The following ZBTB46 variants were observed in gnomAD, a reference collection of about 807,000 sequenced individuals.
The protein encoded by ZBTB46 is zinc finger and BTB domain containing 46, also known as zinc finger and BTB domain-containing protein 46.
ZBTB46 carries 8 observed loss-of-function variants against 44.1 expected under a neutral mutation model. The ratio of observed to expected loss-of-function variants is 0.18; its 90% CI spans 0.11 to 0.33. The LOEUF is 0.33. ZBTB46 is among the 10% of genes least tolerant of loss of function. The pLI, the probability that ZBTB46 is intolerant of heterozygous loss-of-function variation, is 1.00. For synonymous variants in ZBTB46, 409 were observed against 382.3 expected (o/e 1.07, Z -0.81); for missense variants, 651 against 847.7 (o/e 0.77, Z 2.88).
chr20:63,812,372 T>C (rs1027587670), intron 1 of ZBTB46, among the ~76,000 whole-genome samples: 1 of 145,170 alleles, frequency 6.9e-6, no homozygotes, highest in African/African-American at 2.6e-5. Context: ...AGCCGGGCAA[T>C]GTGGTGTGCA....
chr20:63,789,852 C>T lies in ZBTB46; in HGVS notation c.906G>A (p.Thr302=), dbSNP rs752342501. 2.5e-5 allele frequency: 41 copies of T among 1,612,190 alleles called. No individual in the cohort carries two copies. The highest frequency in any genetic ancestry group is 5.3e-5 in the African/African-American group (4 of 74,928). The change falls in exon 2 of 5, where the codon ACG becomes ACA. Residue 302 remains threonine (T), a synonymous_variant. Coordinates refer to ENST00000245663, the MANE Select transcript of ZBTB46 (RefSeq NM_001369741.1). ...CTCGGCTGCTGAACGGCCACCCCGA[C>T]GTCGGCAGGAAGGACGGCACCGGGG... ...ASSPVPSFLP[T]SGWPFSSRDS... is the part of the protein sequence containing the mutation.
chr20:63,807,153 T>C (rs908058110), intron 1 of ZBTB46, among the ~76,000 whole-genome samples: 4 of 152,176 alleles, frequency 2.6e-5, no homozygotes, highest in Non-Finnish European at 5.9e-5. Context: ...CATATACATA[T>C]ATAGAGAGAG....
intron 3 of ZBTB46, among the ~76,000 whole-genome samples, chr20:63,757,724 T>C (rs2092233616): frequency 6.6e-6 from 1 of 152,184 alleles, no homozygotes; most frequent in Non-Finnish European, 1.5e-5. Context: ...TCCATGACCC[T>C]GCAGGAACTT....
intron 3 of ZBTB46, among the ~76,000 whole-genome samples, chr20:63,772,643 C>G (rs1210861557): frequency 6.6e-6 from 1 of 152,060 alleles, no homozygotes; most frequent in African/African-American, 2.4e-5. Flanking sequence ...TGCTGGAGCC[C>G]GGGAGGCAGA....
At chr20:63,766,070 A>G (rs1274451030) in intron 3 of ZBTB46, among the ~76,000 whole-genome samples, 1 of 152,102 alleles carries the variant, frequency 6.6e-6, no homozygotes, top group Non-Finnish European at 1.5e-5. Context: ...ACCTGCTTCA[A>G]CAGCACTAGG....
At position 63,787,001 on chromosome 20, in the gene ZBTB46, G is replaced by A. The variant is rs918876324; in HGVS notation, c.937+2820C>T. On this transcript the variant is annotated intron_variant, in intron 2 of 4. Coordinates refer to ENST00000245663, the MANE Select transcript of ZBTB46 (RefSeq NM_001369741.1). This position sits in a 1 kb window ranked among gnomAD's most constrained non-coding sequence, Gnocchi z 4.6. The stretch of plus-strand genomic sequence containing the variant: ...GTCTGGCCGTAGCTCAGTGCAGGAC[G>A]CACAGCAACAACAGATGAGAATGAA... 6.6e-6 allele frequency among the ~76,000 whole-genome samples: 1 copy of A among 152,146 alleles called. No individual in the cohort carries two copies. Among genetic ancestry groups the A allele is most frequent in the African/African-American group, 2.4e-5 (1 of 41,420 alleles).
intron 2 of ZBTB46, among the ~76,000 whole-genome samples, chr20:63,789,563 G>C (rs1283517576): frequency 6.6e-6 from 1 of 152,224 alleles, no homozygotes; most frequent in African/African-American, 2.4e-5. Flanking sequence ...AGCCCAGGCA[G>C]CCCCCGTGTG....
chr20:63,828,756 T>G (rs887122918), intron 1 of ZBTB46, among the ~76,000 whole-genome samples: 2 of 152,240 alleles, frequency 1.3e-5, no homozygotes, highest in Admixed American at 6.5e-5. Flanking sequence ...AACTCAGCAG[T>G]GGAGCGGGTG....
chr20:63,809,405 C>A (rs1420911947), intron 1 of ZBTB46, among the ~76,000 whole-genome samples: 1 of 152,218 alleles, frequency 6.6e-6, no homozygotes, highest in Non-Finnish European at 1.5e-5. Flanking sequence ...ACAAAGGCCA[C>A]CCCTGGGTCC....
chr20:63,762,127 T>A (rs6011091), intron 3 of ZBTB46, among the ~76,000 whole-genome samples: 77,887 of 152,046 alleles, frequency 0.51, 20,922 homozygotes, highest in African/African-American at 0.65. Context: ...AAACATTAGC[T>A]AACTGAATCC....
At position 63,770,365 on chromosome 20, in the gene ZBTB46, C is replaced by T. The variant is rs559895573; in HGVS notation, c.1222+5313G>A. 6.2e-5 allele frequency among the ~76,000 whole-genome samples: 7 copies of T among 112,008 alleles called. No individual in the cohort carries two copies. The East Asian group carries it at 3.1e-3, about 50-fold the overall frequency. The allele number at this position is 112,008 out of a possible 152,430, so 73.5% of individuals were successfully genotyped here. The stretch of plus-strand genomic sequence containing the variant: ...AATGTCTAGTAACAGAGAGGAGGCC[C>T]GCCTACTGCTGAAAAAGGAATAAAA... On this transcript the variant is annotated intron_variant, in intron 3 of 4. Coordinates refer to ENST00000245663, the MANE Select transcript of ZBTB46 (RefSeq NM_001369741.1).
intron 1 of ZBTB46, among the ~76,000 whole-genome samples, chr20:63,826,619 G>A (rs1329841995): frequency 2.0e-5 from 3 of 148,194 alleles, no homozygotes; most frequent in East Asian, 4.4e-4. Context: ...CAGCTACTCC[G>A]GAGGCTGAGG....
intron 3 of ZBTB46, among the ~76,000 whole-genome samples, chr20:63,758,169 G>A (rs1379233305): frequency 4.4e-4 from 10 of 22,696 alleles, no homozygotes; most frequent in Admixed American, 1.6e-3. Flanking sequence ...CACCCGCCCC[G>A]TCCAGAGCTC....
At chr20:63,770,971 G>GCGGC (rs1451005661) in intron 3 of ZBTB46, among the ~76,000 whole-genome samples, 3,922 of 132,636 alleles carry the variant, frequency 0.03, 406 homozygotes, top group African/African-American at 0.04. Flanking sequence ...GCCCGGCACA[G>GCGGC]CAGCCACGCC....
intron 1 of ZBTB46, 49 bp from the exon 2 acceptor site, chr20:63,790,839 C>T (rs1203325256): frequency 4.8e-6 from 7 of 1,463,250 alleles, no homozygotes; most frequent in South Asian, 2.8e-5. Context: ...AGACAGAGGC[C>T]GTGAGAGGAC....
At chr20:63,808,882 C>G (rs1254793079) in intron 1 of ZBTB46, among the ~76,000 whole-genome samples, 1 of 144,796 alleles carries the variant, frequency 6.9e-6, no homozygotes, top group Admixed American at 7.3e-5. Context: ...GAGGCTGAGG[C>G]AGGAGAATGG....
chr20:63,806,743 G>A (rs1488240096), intron 1 of ZBTB46, among the ~76,000 whole-genome samples: 1 of 151,516 alleles, frequency 6.6e-6, no homozygotes, highest in African/African-American at 2.4e-5. Context: ...CATGTAGCTG[G>A]GACTACAGGC....
At chr20:63,754,184 C>T (rs547295855) in intron 3 of ZBTB46, among the ~76,000 whole-genome samples, 2 of 152,338 alleles carry the variant, frequency 1.3e-5, no homozygotes, top group East Asian at 3.9e-4. Flanking sequence ...GGACGCATGT[C>T]CCCGCCGCAC....
At chr20:63,811,706 G>A (rs1217709890) in intron 1 of ZBTB46, among the ~76,000 whole-genome samples, 2 of 152,238 alleles carry the variant, frequency 1.3e-5, no homozygotes, top group African/African-American at 4.8e-5. Flanking sequence ...GCTCTACCCC[G>A]CTGGGAAGAG....
Sources: allele counts gnomAD v4.1 joint callset (sites outside exome capture counted in the v4.1 genomes callset), GRCh38; gene constraint gnomAD v4.1.1; non-coding constraint Gnocchi (gnomAD v3.1); transcripts MANE v1.5; gene names NCBI Gene and HGNC (gene_info 2026-07-23, HGNC 2026-07-21).